GLB1L3: variants seen among roughly 807,000 people sequenced by gnomAD.
GLB1L3 encodes the protein beta-galactosidase-1-like protein 3.
In GLB1L3, 89 loss-of-function variants were observed where a neutral mutation model predicts 89.5. The ratio of observed to expected loss-of-function variants is 0.99; its 90% CI spans 0.84 to 1.19. The LOEUF (loss-of-function observed/expected upper bound fraction) is 1.19, where lower values mean the gene tolerates loss of function less well. Among genes scored for constraint, GLB1L3 ranks in the 50% most tolerant of loss-of-function variants. The pLI, the probability that GLB1L3 is intolerant of heterozygous loss-of-function variation, is 0.00. For missense variants in GLB1L3, 812 were observed against 813.3 expected (o/e 1.00, Z 0.02); for synonymous variants, 314 against 312.3 (o/e 1.01, Z -0.06).
At chr11:134,277,059 C>T (rs1940408230) in intron 1 of GLB1L3, 1 of 571,048 alleles carries the variant, frequency 1.8e-6, no homozygotes, top group Admixed American at 3.3e-5. Flanking sequence ...CCCGCCTCCG[C>T]CTCTCCCAGG....
downstream of GLB1L3, among the ~76,000 whole-genome samples, chr11:134,320,738 CAAA>C (rs58638015): frequency 7.2e-6 from 1 of 139,300 alleles, no homozygotes; most frequent in Non-Finnish European, 1.6e-5. Flanking sequence ...ACAAGAAAAA[CAAA>C]AAAAAAAAAC....
chr11:134,315,860 A>G (rs1349656345), intron 18 of GLB1L3, among the ~76,000 whole-genome samples: 1 of 152,188 alleles, frequency 6.6e-6, no homozygotes, highest in Non-Finnish European at 1.5e-5. Context: ...ATGTCTTGAC[A>G]TAGATACTTA....
chr11:134,308,312 TACCAC>T (rs1942389995), intron 10 of GLB1L3, among the ~76,000 whole-genome samples: 1 of 19,618 alleles, frequency 5.1e-5, no homozygotes, highest in Non-Finnish European at 1.0e-4. Context: ...CCACCACCAC[TACCAC>T]CACCATCACC....
chr11:134,308,500 T>TC (rs1565414129), intron 10 of GLB1L3, among the ~76,000 whole-genome samples: 10 of 15,458 alleles, frequency 6.5e-4, no homozygotes, highest in East Asian at 2.0e-3. Context: ...CACCACCAAA[T>TC]ACCACCACCA....
intron 9 of GLB1L3, chr11:134,305,281 T>C (rs1256722926): frequency 1.5e-6 from 1 of 677,200 alleles, no homozygotes; most frequent in Non-Finnish European, 2.7e-6. Context: ...CCCTATTCTG[T>C]AACTGATAAT....
intron 10 of GLB1L3, among the ~76,000 whole-genome samples, chr11:134,308,628 TCAC>T (rs1263720768): frequency 5.2e-5 from 5 of 96,910 alleles, no homozygotes; most frequent in Non-Finnish European, 6.7e-5. Context: ...ATCACCACCA[TCAC>T]CATCAACACC....
At position 134,277,431 on chromosome 11, in the gene GLB1L3, A is replaced by G. The variant is rs1940437473; in HGVS notation, c.129A>G (p.Arg43=). 1.2e-6 allele frequency: 2 copies of G among 1,613,580 alleles called. No homozygotes were observed. Among genetic ancestry groups the G allele is most frequent in the African/African-American group, 2.7e-5 (2 of 75,046 alleles). The change falls in exon 2 of 20, where the codon AGA becomes AGG. Residue 43 remains arginine, a synonymous_variant. Coordinates refer to ENST00000431683, the MANE Select transcript of GLB1L3 (RefSeq NM_001080407.3). ...FKQEENFMLG[R]AHPSQPRFNW... ...AGGAAGAGAACTTCATGCTTGGAAG[A>G]GCGCATCCGTCCCAGCCTAGGTTTG...
rs184796567 is a variant in GLB1L3 at position 134,279,444 on chromosome 11, G to C, written c.362+1532G>C. ...TGCAGTGGCGCGATCTCTGCTCACT[G>C]CAACCTCCCCCTCCTGGGTTCAAGT... On this transcript the variant is annotated intron_variant, in intron 3 of 19. Coordinates refer to ENST00000431683, the MANE Select transcript of GLB1L3 (RefSeq NM_001080407.3). Among the ~76,000 whole-genome samples the C allele has an allele frequency of 7.8e-3, 1,081 of 138,928 alleles. 12 individuals carry two copies. The highest frequency in any genetic ancestry group is 0.011 in the Non-Finnish European group (715 of 66,362). The allele number at this position is 138,928 out of a possible 152,430, so 91.1% of individuals were successfully genotyped here.
chr11:134,286,965 C>G (rs1307126881), intron 6 of GLB1L3: 1 of 150,502 alleles, frequency 6.6e-6, no homozygotes, highest in Non-Finnish European at 1.5e-5. Flanking sequence ...TCAAGACCAT[C>G]CTGGCTAACA....
chr11:134,313,853 T>C, intron 16 of GLB1L3, 88 bp from the exon 17 acceptor site: 1 of 840,512 alleles, frequency 1.2e-6, no homozygotes, highest in Non-Finnish European at 2.0e-6. Context: ...CTAAGGCATG[T>C]ACAAGTCTGC....
At chr11:134,285,428 A>G (rs192756600) in intron 6 of GLB1L3, among the ~76,000 whole-genome samples, 304 of 152,316 alleles carry the variant, frequency 2.0e-3, no homozygotes, top group Non-Finnish European at 3.9e-3. Context: ...GAGAAGATGC[A>G]CTTGGATATT....
At chr11:134,310,404 A>G in intron 11 of GLB1L3, 167 bp from the exon 12 acceptor site, 1 of 590,654 alleles carries the variant, frequency 1.7e-6, no homozygotes, top group Non-Finnish European at 3.0e-6. Flanking sequence ...GTGCCCAGGA[A>G]GAGTTGTGGG....
At chr11:134,287,255 A>G (rs183759844) in intron 6 of GLB1L3, 1 of 152,360 alleles carries the variant, frequency 6.6e-6, no homozygotes, top group Non-Finnish European at 1.5e-5. Context: ...GCAACGAGGA[A>G]AGCTAATTTA....
At position 134,283,773 on chromosome 11, in the gene GLB1L3, A is replaced by G; in HGVS notation, c.564A>G (p.Thr188=). 5 of 1,613,020 alleles carry G rather than the reference A, an allele frequency of 3.1e-6. No homozygotes were observed. Among genetic ancestry groups the G allele is most frequent in the Non-Finnish European group, 4.2e-6 (5 of 1,179,498 alleles). Residue 188 remains threonine, a synonymous_variant, in exon 6 of 20, where the codon ACA becomes ACG. Transcript: ENST00000431683. ...LLQDPRLLLR[T]TNKSFIEAVE... is the part of the protein sequence containing the mutation. ...AAGACCCCCGGTTACTGTTGAGGAC[A>G]ACCAACAAGAGCTTCATTGAAGCAG...
At chr11:134,308,295 A>T (rs1164694231) in intron 10 of GLB1L3, among the ~76,000 whole-genome samples, 2 of 46,342 alleles carry the variant, frequency 4.3e-5, no homozygotes, top group African/African-American at 1.2e-4. Context: ...TACCACCACC[A>T]CCACCACCAC....
chr11:134,308,323 T>C (rs945848920), intron 10 of GLB1L3, among the ~76,000 whole-genome samples: 33 of 22,132 alleles, frequency 1.5e-3, no homozygotes, highest in Non-Finnish European at 2.0e-3. Context: ...ACCACCACCA[T>C]CACCATCACC....
chr11:134,312,944 C>A, intron 15 of GLB1L3, 57 bp downstream of exon 15: 4 of 1,204,880 alleles, frequency 3.3e-6, no homozygotes, highest in Non-Finnish European at 4.9e-6. Flanking sequence ...GCAGACGGAG[C>A]CTGGTCCTGA....
intron 18 of GLB1L3, 86 bp from the exon 19 acceptor site, chr11:134,318,545 A>G: frequency 1.3e-6 from 1 of 766,144 alleles, no homozygotes; most frequent in Non-Finnish European, 2.3e-6. Context: ...AAAGTATCTC[A>G]ATCTTGCTCT....
chr11:134,289,073 A>G (rs1565395689), intron 7 of GLB1L3, 183 bp downstream of exon 7: 1 of 507,798 alleles, frequency 2.0e-6, no homozygotes, highest in Admixed American at 3.7e-5. Context: ...ATAACTTTTG[A>G]CTCCCTCAAA....
Sources: gnomAD v4.1 joint callset for allele counts (sites outside exome capture counted in the v4.1 genomes callset) on GRCh38, gnomAD v4.1.1 for gene constraint, MANE v1.5 for transcripts, NCBI Gene and HGNC (gene_info 2026-07-23, HGNC 2026-07-21) for gene names.